The following CRAT variants were observed in gnomAD, a reference collection of about 807,000 sequenced individuals.
The protein encoded by CRAT is carnitine acetylase.
In CRAT, 66 loss-of-function variants were observed where a neutral mutation model predicts 73.7. The ratio of observed to expected loss-of-function variants is 0.90; its 90% confidence interval spans 0.73 to 1.10. CRAT has a LOEUF of 1.10. Ranked by LOEUF, CRAT falls within the 50% of genes least tolerant of loss-of-function variation. The pLI is 0.00. For synonymous variants in CRAT, 321 were observed against 343.2 expected, an observed-to-expected ratio of 0.94 and a Z score of 0.71; for missense variants, 745 against 846.9, an observed-to-expected ratio of 0.88 and a Z score of 1.49.
rs527857954 is a variant in CRAT at position 129,098,630 on chromosome 9, C to T, written c.1106G>A (p.Arg369Gln). The T allele has an allele frequency of 1.5e-5, 24 of 1,602,008 alleles. 1 individual carries two copies. Among genetic ancestry groups the T allele is most frequent in the Middle Eastern group, 1.7e-4 (1 of 5,980 alleles). ...CATGGGCAGGGGCACCAGGGGAGAC[C>T]GCACAAGCTCGGGTTTCTTCCTGCA... ...IEYTKKPELV[R>Q]SPLVPLPMPK... Residue 369 changes from arginine (R) to glutamine (Q), a missense_variant, in exon 9 of 14, where the codon CGG (arginine) becomes CAG (glutamine). Coordinates refer to ENST00000318080, the MANE Select transcript of CRAT (RefSeq NM_000755.5).
intron 13 of CRAT, 76 bp from the exon 14 acceptor site, chr9:129,095,688 C>T (rs1208982201): frequency 9.7e-6 from 14 of 1,438,168 alleles, no homozygotes; most frequent in East Asian, 2.5e-5. Flanking sequence ...CCTGTGCTTC[C>T]GCCAAGACTG....
intron 1 of CRAT, chr9:129,109,320 G>A (rs1271855231): frequency 1.6e-6 from 2 of 1,283,066 alleles, no homozygotes; most frequent in Middle Eastern, 2.2e-4. Context: ...CCAGGAAAAG[G>A]CCATCAGTGG....
In CRAT at chr9:129,110,524, C is replaced by T; in HGVS notation, c.-15G>A. The T allele has an allele frequency of 1.3e-6, 2 of 1,578,336 alleles. No homozygotes were observed. Among genetic ancestry groups the T allele is most frequent in the Non-Finnish European group, 1.7e-6 (2 of 1,168,828 alleles). On this transcript the variant is annotated 5_prime_UTR_variant, in exon 1 of 14. Transcript: ENST00000318080. This position sits in a 1 kb window ranked among gnomAD's most constrained non-coding sequence, Gnocchi z 5.3. ...AAGGCTAACATCTTCGCTGCCCGTC[C>T]GCGGACACGCAGTCCGCTCCGCCCC...
chr9:129,101,893 G>GGTGTTGTAT lies in CRAT; in HGVS notation c.786_794dup (p.Tyr263_Thr265dup). ...GCCCCCAAGAGGCACCTTTGATGAG[G>GGTGTTGTAT]GTGTTGTATGCCTTGGCCCAGGAGT... On this transcript the variant is annotated inframe_insertion, in exon 6 of 14. Transcript: ENST00000318080. 6.2e-7 allele frequency: 1 copy of GGTGTTGTAT among 1,613,906 alleles called. No homozygotes were observed. The highest frequency in any genetic ancestry group is 8.5e-7 in the Non-Finnish European group (1 of 1,179,940).
intron 7 of CRAT, 117 bp downstream of exon 7, chr9:129,100,394 G>A (rs2131456558): frequency 7.9e-7 from 1 of 1,268,630 alleles, no homozygotes; most frequent in South Asian, 1.5e-5. Flanking sequence ...CTGGCTTCCT[G>A]CCTGCTTTAC....
chr9:129,105,133 C>T (rs977906748), intron 2 of CRAT, among the ~76,000 whole-genome samples: 8 of 151,962 alleles, frequency 5.3e-5, no homozygotes, highest in Non-Finnish European at 8.8e-5. Flanking sequence ...TCTCGATCTC[C>T]TGACCTCGTG....
intron 6 of CRAT, 27 bp downstream of exon 6, chr9:129,101,856 A>G (rs775568821): frequency 4.7e-5 from 75 of 1,607,814 alleles, no homozygotes; most frequent in Non-Finnish European, 6.3e-5. Flanking sequence ...CTGGGTGTGC[A>G]GCCCCAGCAC....
rs369149412 is a variant in CRAT, at chr9:129,102,415, C to T, written c.615G>A (p.Val205=). The T allele has an allele frequency of 3.1e-6, 5 of 1,614,038 alleles. No individual in the cohort carries two copies. The highest frequency in any genetic ancestry group is 4.2e-6 in the Non-Finnish European group (5 of 1,180,008). The change falls in exon 5 of 14, where the codon GTG becomes GTA. Residue 205 remains valine (V), a synonymous_variant. Coordinates refer to ENST00000318080, the MANE Select transcript of CRAT (RefSeq NM_000755.5). ...GGCCACCCACCTGGTAGTTGTGTAC[C>T]ACGGTGATGTGCGTGGGAGGCTTCT... ...KTKKPPTHIT[V]VHNYQFFELD... is the part of the protein sequence containing the mutation.
At chr9:129,096,589 C>A (rs1008607173) in intron 12 of CRAT, among the ~76,000 whole-genome samples, 2 of 152,264 alleles carry the variant, frequency 1.3e-5, no homozygotes, top group Non-Finnish European at 1.5e-5. Flanking sequence ...AGCCACCTCC[C>A]TGACTGCAGC....
chr9:129,107,521 A>G lies in CRAT; in HGVS notation c.291+293T>C. 3 of 637,812 alleles carry G rather than the reference A, an allele frequency of 4.7e-6. No individual in the cohort carries two copies. Among genetic ancestry groups the G allele is most frequent in the Non-Finnish European group, 8.6e-6 (3 of 347,700 alleles). 39.5% of individuals were successfully genotyped at this position (637,812 alleles called of 1,614,324 possible). A position where few individuals can be genotyped will look rare whatever the true frequency, so the allele number is the denominator to read the frequency against. ...CCCACCAAGCACAAGGGCATCTTCT[A>G]TCTGGTTGTACCTGCCGTGCACCCC... is the stretch of plus-strand genomic sequence containing the variant. On this transcript the variant is annotated intron_variant, in intron 2 of 13. Transcript: ENST00000318080. The surrounding 1 kb of genome is among the most constrained non-coding windows in gnomAD (Gnocchi z 5.0).
chr9:129,097,898 C>G, intron 11 of CRAT, 115 bp downstream of exon 11: 2 of 1,439,252 alleles, frequency 1.4e-6, no homozygotes, highest in Non-Finnish European at 1.9e-6. Flanking sequence ...GTTAGATTCC[C>G]CGTGCCCACC....
chr9:129,102,538 C>T lies in CRAT; in HGVS notation c.492G>A (p.Gly164=), dbSNP rs1847748594. The T allele has an allele frequency of 5.0e-6, 8 of 1,613,950 alleles. No individual in the cohort carries two copies. The highest frequency in any genetic ancestry group is 5.9e-6 in the Non-Finnish European group (7 of 1,180,002). The change falls in exon 5 of 14, where the codon GGG becomes GGA. Residue 164 remains glycine, a synonymous_variant. Transcript: ENST00000318080. ...DNETLPVEYL[G]GKPLCMNQYY... ...ACTGGTTCATGCACAGTGGCTTCCCCCCCAGGTACTCCACGGGCAGGGTCT... is the reference window on the plus strand; with the variant it reads ...ACTGGTTCATGCACAGTGGCTTCCCTCCCAGGTACTCCACGGGCAGGGTCT...
chr9:129,098,816 CTTT>C lies in CRAT; in HGVS notation c.1086-169_1086-167del, dbSNP rs58400805. ...TCACTTCAGCTTTTTTTTCTTTTTT[CTTT>C]TTTTTTTTTTTTTAGATGGAGTCTT... On this transcript the variant is annotated intron_variant, in intron 8 of 13. Coordinates refer to ENST00000318080, the MANE Select transcript of CRAT (RefSeq NM_000755.5). 5.7e-3 allele frequency among the ~76,000 whole-genome samples: 731 copies of C among 127,454 alleles called. 4 individuals are homozygous for C. Among genetic ancestry groups the C allele is most frequent in the Non-Finnish European group, 6.2e-3 (386 of 62,162 alleles). 83.6% of individuals were successfully genotyped at this position (127,454 alleles called of 152,430 possible). A position where few individuals can be genotyped will look rare whatever the true frequency, so the allele number is the denominator to read the frequency against.
chr9:129,104,458 GC>G lies in CRAT; in HGVS notation c.292-153del, dbSNP rs1435119776. The G allele has an allele frequency of 4.9e-6, 3 of 615,928 alleles. No homozygotes were observed. The African/African-American group carries it at 5.6e-5, about 11-fold the overall frequency. 38.2% of individuals were successfully genotyped at this position (615,928 alleles called of 1,614,324 possible). A position where few individuals can be genotyped will look rare whatever the true frequency, so the allele number is the denominator to read the frequency against. On this transcript the variant is annotated intron_variant, in intron 2 of 13. Transcript: ENST00000318080. ...CCTAGATCCAGAACCCACCCTCCCT[GC>G]CCCACAACTTAAACCCACCAGCCTC...
At chr9:129,098,214 C>G (rs1210506174) in intron 10 of CRAT, 35 bp downstream of exon 10, 1 of 1,613,080 alleles carries the variant, frequency 6.2e-7, no homozygotes, top group South Asian at 1.1e-5. Flanking sequence ...CCCCAGGTCT[C>G]CTCCCTCCTC....
Position 129,110,374 on chromosome 9 carries a change from G to A in CRAT, c.27+109C>T. The stretch of plus-strand genomic sequence containing the variant: ...CCGCCTGACCCCACCCCATCAGCTG[G>A]AGGCCGGGTCGAACAGCGGCCGCAG... On this transcript the variant is annotated intron_variant, in intron 1 of 13. Transcript: ENST00000318080. This position sits in a 1 kb window ranked among gnomAD's most constrained non-coding sequence, Gnocchi z 5.3. 1 of 1,194,178 alleles carries A rather than the reference G, an allele frequency of 8.4e-7. No homozygotes were observed. Among genetic ancestry groups the A allele is most frequent in the South Asian group, 1.6e-5 (1 of 63,010 alleles). 74.0% of individuals were successfully genotyped at this position (1,194,178 alleles called of 1,614,324 possible). A position where few individuals can be genotyped will look rare whatever the true frequency, so the allele number is the denominator to read the frequency against.
At position 129,107,579 on chromosome 9, in the gene CRAT, G is replaced by A. The variant is rs1848090917; in HGVS notation, c.291+235C>T. 7.1e-6 allele frequency: 5 copies of A among 702,732 alleles called. No individual in the cohort carries two copies. In the East Asian group the frequency reaches 1.4e-4, roughly 19 times the overall value. 43.5% of individuals were successfully genotyped at this position (702,732 alleles called of 1,614,324 possible). A position where few individuals can be genotyped will look rare whatever the true frequency, so the allele number is the denominator to read the frequency against. ...CCTCTGTCCTGGAACATGAAACCTTGTCCACAACCTGTATCCTGTTCATTA... is the reference window on the plus strand; with the variant it reads ...CCTCTGTCCTGGAACATGAAACCTTATCCACAACCTGTATCCTGTTCATTA... On this transcript the variant is annotated intron_variant, in intron 2 of 13. Transcript: ENST00000318080. This position sits in a 1 kb window ranked among gnomAD's most constrained non-coding sequence, Gnocchi z 5.0.
rs1413972569 is a variant in CRAT at position 129,107,825 on chromosome 9, T to A, written c.280A>T (p.Thr94Ser). ...ATGCCCTCACTCACCCAGTTCTCCG[T>A]CTTCCTGGCCCGACGCTCCAGCCCC... Reference protein sequence around the residue: ...QKGLERRARKTENWLSEWWLK... With the variant: ...QKGLERRARKSENWLSEWWLK... The change falls in exon 2 of 14, where the codon ACG (threonine) becomes TCG (serine). Residue 94 changes from threonine to serine, a missense_variant. Coordinates refer to ENST00000318080, the MANE Select transcript of CRAT (RefSeq NM_000755.5). This position sits in a 1 kb window ranked among gnomAD's most constrained non-coding sequence, Gnocchi z 5.0. 1.4e-5 allele frequency: 23 copies of A among 1,612,958 alleles called. No homozygotes were observed. Among genetic ancestry groups the A allele is most frequent in the Non-Finnish European group, 1.9e-5 (23 of 1,180,010 alleles).
In CRAT at chr9:129,110,442, G is replaced by A. The variant is rs1848354236; in HGVS notation, c.27+41C>T. On this transcript the variant is annotated intron_variant, in intron 1 of 13. Coordinates refer to ENST00000318080, the MANE Select transcript of CRAT (RefSeq NM_000755.5). This position sits in a 1 kb window ranked among gnomAD's most constrained non-coding sequence, Gnocchi z 5.3. ...CGGACGCAACCGCACGGCCCGCCCA[G>A]GCCGTCCAGGGCCCTCAGGCCCGGG... is the stretch of plus-strand genomic sequence containing the variant. 1 of 1,537,334 alleles carries A rather than the reference G, an allele frequency of 6.5e-7. No homozygotes were observed. The highest frequency in any genetic ancestry group is 8.7e-7 in the Non-Finnish European group (1 of 1,149,940).
Sources: gnomAD v4.1 joint callset for allele counts (sites outside exome capture counted in the v4.1 genomes callset) on GRCh38, gnomAD v4.1.1 for gene constraint, Gnocchi (gnomAD v3.1) non-coding constraint, MANE v1.5 for transcripts, NCBI Gene and HGNC (gene_info 2026-07-23, HGNC 2026-07-21) for gene names.